The following ZBTB7C variants were observed in gnomAD, a reference collection of about 807,000 sequenced individuals.
ZBTB7C encodes zinc finger and BTB domain containing 7C.
In ZBTB7C, 8 loss-of-function variants were observed where a neutral mutation model predicts 25.7. That is an observed-to-expected ratio of 0.31 (90% CI 0.18 to 0.56). The LOEUF (loss-of-function observed/expected upper bound fraction) is 0.56, where lower values mean the gene tolerates loss of function less well. Ranked by LOEUF, ZBTB7C falls within the 20% of genes least tolerant of loss-of-function variation. The pLI, the probability that ZBTB7C is intolerant of heterozygous loss-of-function variation, is 0.91. For missense variants in ZBTB7C, 824 were observed against 855.2 expected, an observed-to-expected ratio of 0.96 and a Z score of 0.46; for synonymous variants, 394 against 369.0, an observed-to-expected ratio of 1.07 and a Z score of -0.78.
intron 2 of ZBTB7C, among the ~76,000 whole-genome samples, chr18:48,294,130 G>A (rs527656153): frequency 6.6e-6 from 1 of 152,320 alleles, no homozygotes; most frequent in African/African-American, 2.4e-5. Context: ...CTTCCCCTGG[G>A]AGCCCGGAGA....
chr18:48,062,268 C>T (rs1289763781), intron 3 of ZBTB7C, among the ~76,000 whole-genome samples: 1 of 152,164 alleles, frequency 6.6e-6, no homozygotes, highest in Admixed American at 6.5e-5. Flanking sequence ...GTGAGGGGAA[C>T]ACCTTTAAGG....
At chr18:48,292,876 T>C (rs1448941747) in intron 2 of ZBTB7C, among the ~76,000 whole-genome samples, 6 of 152,074 alleles carry the variant, frequency 3.9e-5, no homozygotes, top group Admixed American at 3.9e-4. Flanking sequence ...AGCATTGAAA[T>C]CTACTACTAT....
At chr18:48,062,340 G>A (rs555478726) in intron 3 of ZBTB7C, among the ~76,000 whole-genome samples, 18 of 152,256 alleles carry the variant, frequency 1.2e-4, no homozygotes, top group African/African-American at 3.6e-4. Flanking sequence ...GGGAGGACCT[G>A]GATTAGCTGG....
chr18:48,315,738 C>A (rs995904992), intron 2 of ZBTB7C, among the ~76,000 whole-genome samples: 4 of 152,150 alleles, frequency 2.6e-5, no homozygotes, highest in Admixed American at 2.0e-4. Context: ...CCATCCCCAC[C>A]CCATCCAACT....
chr18:48,297,292 T>C (rs1374451431), intron 2 of ZBTB7C, among the ~76,000 whole-genome samples: 9 of 152,216 alleles, frequency 5.9e-5, no homozygotes. Flanking sequence ...AAACATCCTT[T>C]AACCCCACCC....
chr18:48,333,292 C>T (rs1383308708), intron 2 of ZBTB7C, among the ~76,000 whole-genome samples: 1 of 152,166 alleles, frequency 6.6e-6, no homozygotes, highest in Non-Finnish European at 1.5e-5. Context: ...TCCCAGGAAG[C>T]AATAAAGATA....
chr18:48,236,106 A>T (rs2145370733), intron 2 of ZBTB7C, among the ~76,000 whole-genome samples: 1 of 152,144 alleles, frequency 6.6e-6, no homozygotes, highest in Non-Finnish European at 1.5e-5. Flanking sequence ...CATCTCTGGT[A>T]TTTTCTTAAT....
chr18:48,118,001 CTT>C (rs11358230), intron 3 of ZBTB7C, among the ~76,000 whole-genome samples: 52 of 128,436 alleles, frequency 4.0e-4, no homozygotes, highest in Admixed American at 5.5e-4. Context: ...TCTTCTTCTT[CTT>C]TTTTTTTTTT....
At chr18:48,242,308 A>C (rs190508516) in intron 2 of ZBTB7C, among the ~76,000 whole-genome samples, 65 of 152,346 alleles carry the variant, frequency 4.3e-4, no homozygotes, top group African/African-American at 1.5e-3. Context: ...ACTATTCCAA[A>C]AGACAGAGAA....
intron 3 of ZBTB7C, among the ~76,000 whole-genome samples, chr18:48,167,366 T>C (rs2041287091): frequency 6.6e-6 from 1 of 152,298 alleles, no homozygotes; most frequent in African/African-American, 2.4e-5. Context: ...CAGCTGCTCC[T>C]GTGCTGGGGC....
intron 3 of ZBTB7C, among the ~76,000 whole-genome samples, chr18:48,079,252 T>C (rs887687481): frequency 6.6e-6 from 1 of 152,216 alleles, no homozygotes; most frequent in Non-Finnish European, 1.5e-5. Flanking sequence ...ATTTTTCAGT[T>C]CAACCACAGG....
chr18:48,270,786 C>T (rs1302095710), intron 2 of ZBTB7C, among the ~76,000 whole-genome samples: 1 of 151,808 alleles, frequency 6.6e-6, no homozygotes, highest in African/African-American at 2.4e-5. Context: ...ACGATCCGCC[C>T]ACCTTGGCCT....
At chr18:48,390,261 G>A (rs576830645) in intron 1 of ZBTB7C, among the ~76,000 whole-genome samples, 1 of 151,122 alleles carries the variant, frequency 6.6e-6, no homozygotes, top group African/African-American at 2.4e-5. Flanking sequence ...TTTAATACAT[G>A]GATACATTTT....
chr18:48,100,778 G>A (rs2038800527), intron 3 of ZBTB7C, among the ~76,000 whole-genome samples: 1 of 152,166 alleles, frequency 6.6e-6, no homozygotes, highest in South Asian at 2.1e-4. Flanking sequence ...GGGGAATGGG[G>A]GAGGGGGAGG....
In ZBTB7C at chr18:48,073,398, C is replaced by A. The variant is rs373427325; in HGVS notation, c.-16-32275G>T. Among the ~76,000 whole-genome samples the A allele has an allele frequency of 7.4e-3, 1,132 of 152,236 alleles. 16 individuals carry two copies. Among genetic ancestry groups the A allele is most frequent in the African/African-American group, 0.024 (1,006 of 41,558 alleles). On this transcript the variant is annotated intron_variant, in intron 3 of 4. Coordinates refer to ENST00000590800, the MANE Select transcript of ZBTB7C (RefSeq NM_001318841.2). ...GAGCCGCTGCCACCAGGCGCCCAGC[C>A]TGAGTCACCCTGGCGGGGAGGGCGG...
chr18:48,204,193 G>C (rs2042524531), intron 2 of ZBTB7C, among the ~76,000 whole-genome samples: 1 of 152,184 alleles, frequency 6.6e-6, no homozygotes, highest in African/African-American at 2.4e-5. Flanking sequence ...GATAGAATGT[G>C]CCTGGAGAGG....
chr18:48,091,734 A>G (rs527579214), intron 3 of ZBTB7C, among the ~76,000 whole-genome samples: 4 of 152,142 alleles, frequency 2.6e-5, no homozygotes, highest in African/African-American at 9.6e-5. Flanking sequence ...TCCTGACAGG[A>G]CCCTACTGAT....
At position 48,308,447 on chromosome 18, in the gene ZBTB7C, C is replaced by G. The variant is rs543386502; in HGVS notation, c.-79+29727G>C. On this transcript the variant is annotated intron_variant, in intron 2 of 4. Coordinates refer to ENST00000590800, the MANE Select transcript of ZBTB7C (RefSeq NM_001318841.2). The stretch of plus-strand genomic sequence containing the variant: ...CATGCCCAGGCTGGCCAGAGTCCTT[C>G]TGCCTTGGTTTCTCAGTGGGCATCC... Among the ~76,000 whole-genome samples, 4 of 152,306 alleles carry G rather than the reference C, an allele frequency of 2.6e-5. No individual in the cohort carries two copies. The East Asian group carries it at 7.7e-4, about 29-fold the overall frequency.
At chr18:48,228,008 AAG>A (rs1486901463) in intron 2 of ZBTB7C, among the ~76,000 whole-genome samples, 5 of 152,128 alleles carry the variant, frequency 3.3e-5, no homozygotes, top group Admixed American at 6.5e-5. Context: ...ATGGGCATCA[AAG>A]AGAGAGAGGT....
Sources: allele counts gnomAD v4.1 joint callset (sites outside exome capture counted in the v4.1 genomes callset), GRCh38; gene constraint gnomAD v4.1.1; transcripts MANE v1.5; gene names NCBI Gene and HGNC (gene_info 2026-07-23, HGNC 2026-07-21).